The following PLEKHA6 variants were observed in gnomAD, a reference collection of about 807,000 sequenced individuals.
PLEKHA6 encodes pleckstrin homology domain containing A6.
PLEKHA6 carries 60 observed loss-of-function variants against 116.7 expected under a neutral mutation model. That is an observed-to-expected ratio of 0.51 (90% CI 0.42 to 0.64). PLEKHA6 has a LOEUF of 0.64. PLEKHA6 is among the 30% of genes least tolerant of loss of function. The probability of loss-of-function intolerance (pLI) is 0.00; values close to 1 mark genes in which losing one functional copy is unlikely to be tolerated. For synonymous variants in PLEKHA6, 489 were observed against 556.1 expected, an observed-to-expected ratio of 0.88 and a Z score of 1.70; for missense variants, 1,338 against 1,422.7, an observed-to-expected ratio of 0.94 and a Z score of 0.96.
chr1:204,345,846 C>T (rs1673022757), intron 1 of PLEKHA6, among the ~76,000 whole-genome samples: 1 of 152,158 alleles, frequency 6.6e-6, no homozygotes, highest in Non-Finnish European at 1.5e-5. Flanking sequence ...GACCAGAAGC[C>T]CTGGAGAAAA....
At chr1:204,370,913 GTGTGGTGGCACACACA>G (rs1673761023) in intron 2 of PLEKHA6, among the ~76,000 whole-genome samples, 1 of 152,074 alleles carries the variant, frequency 6.6e-6, no homozygotes, top group Admixed American at 6.5e-5. Context: ...AATTAGCTGG[GTGTGGTGGCACACACA>G]TGTAATCCCA....
At chr1:204,247,545 TA>T (rs1663891659) in intron 12 of PLEKHA6, 85 bp from the exon 13 acceptor site, 2 of 841,368 alleles carry the variant, frequency 2.4e-6, no homozygotes, top group Non-Finnish European at 3.9e-6. Flanking sequence ...GGGGCCAGGG[TA>T]CCAGAGGCAC....
intron 21 of PLEKHA6, among the ~76,000 whole-genome samples, chr1:204,224,895 C>T (rs900649128): frequency 6.6e-6 from 1 of 152,204 alleles, no homozygotes; most frequent in African/African-American, 2.4e-5. Flanking sequence ...AAAAACGAAG[C>T]AAAAGATATC....
At chr1:204,254,809 A>G (rs1665058871) in intron 9 of PLEKHA6, among the ~76,000 whole-genome samples, 1 of 152,198 alleles carries the variant, frequency 6.6e-6, no homozygotes, top group Non-Finnish European at 1.5e-5. Flanking sequence ...TCCACAGGAC[A>G]GTGTTGTGTA....
At chr1:204,328,050 ATTT>A (rs1672306966) in intron 1 of PLEKHA6, among the ~76,000 whole-genome samples, 1 of 3,116 alleles carries the variant, frequency 3.2e-4, no homozygotes, top group African/African-American at 4.4e-4. Context: ...TATTTATTTT[ATTT>A]ATTTATTTAT....
chr1:204,349,451 G>C (rs1051058843), intron 1 of PLEKHA6, among the ~76,000 whole-genome samples: 1 of 146,876 alleles, frequency 6.8e-6, no homozygotes, highest in Middle Eastern at 3.4e-3. Context: ...TGAGGCAGGA[G>C]AATCACTTGA....
At chr1:204,373,280 C>T (rs936020062) in intron 1 of PLEKHA6, among the ~76,000 whole-genome samples, 6 of 152,052 alleles carry the variant, frequency 3.9e-5, no homozygotes, top group African/African-American at 1.4e-4. Flanking sequence ...TCAGTAGAGA[C>T]GGAGTTTCAC....
At chr1:204,357,828 A>G (rs1184781710) in intron 1 of PLEKHA6, among the ~76,000 whole-genome samples, 1 of 152,230 alleles carries the variant, frequency 6.6e-6, no homozygotes. Flanking sequence ...AGCTCGCTCT[A>G]TGAGCCCGAG....
intron 1 of PLEKHA6, chr1:204,313,656 GC>G (rs1474456772): frequency 2.0e-6 from 2 of 984,602 alleles, no homozygotes; most frequent in Non-Finnish European, 2.4e-6. Context: ...CCACCTCCAT[GC>G]CCCCATCCTC....
At chr1:204,344,040 G>C (rs564914188) in intron 1 of PLEKHA6, among the ~76,000 whole-genome samples, 1 of 152,286 alleles carries the variant, frequency 6.6e-6, no homozygotes, top group South Asian at 2.1e-4. Flanking sequence ...TATAATCCCA[G>C]CTACTCAGGA....
chr1:204,322,875 T>C (rs1672114913), intron 1 of PLEKHA6, among the ~76,000 whole-genome samples: 1 of 152,204 alleles, frequency 6.6e-6, no homozygotes, highest in Admixed American at 6.5e-5. Flanking sequence ...GCAAATTCCC[T>C]TCTTGTCCCA....
In PLEKHA6 at chr1:204,347,124, C is replaced by T; in HGVS notation, c.-95+12570G>A. On this transcript the variant is annotated intron_variant, in intron 1 of 22. Coordinates refer to ENST00000272203, the MANE Select transcript of PLEKHA6 (RefSeq NM_014935.5). ...GGGGCATTCCTTTTTGAACAGTACCCATTCCCTTGATGTCTACAATATCAC... is the reference window on the plus strand; with the variant it reads ...GGGGCATTCCTTTTTGAACAGTACCTATTCCCTTGATGTCTACAATATCAC... 3 of 1,144,112 alleles carry T rather than the reference C, an allele frequency of 2.6e-6. No homozygotes were observed. The South Asian group carries it at 3.7e-5, about 14-fold the overall frequency. 70.9% of individuals were successfully genotyped at this position (1,144,112 alleles called of 1,614,324 possible).
At chr1:204,324,738 C>T (rs187614579) in intron 1 of PLEKHA6, among the ~76,000 whole-genome samples, 154 of 152,188 alleles carry the variant, frequency 1.0e-3, no homozygotes, top group African/African-American at 3.5e-3. Flanking sequence ...TGACCTGAGG[C>T]CAATAGCTTA....
At chr1:204,359,586 A>G (rs1305574685) in intron 1 of PLEKHA6, 108 bp downstream of exon 1, 2 of 984,214 alleles carry the variant, frequency 2.0e-6, no homozygotes, top group African/African-American at 3.5e-5. Context: ...AGTGCTCCGC[A>G]GTGCAAGCAG....
chr1:204,237,882 A>G (rs1182406292), intron 17 of PLEKHA6, among the ~76,000 whole-genome samples: 1 of 152,252 alleles, frequency 6.6e-6, no homozygotes, highest in African/African-American at 2.4e-5. Context: ...AGTAGCAAAC[A>G]CACTGGACTT....
intron 6 of PLEKHA6, among the ~76,000 whole-genome samples, chr1:204,262,415 C>T (rs1442434584): frequency 2.0e-5 from 3 of 152,280 alleles, no homozygotes; most frequent in Admixed American, 2.0e-4. Flanking sequence ...TCTTAGGCCA[C>T]AAGGAAAAGA....
intron 1 of PLEKHA6, among the ~76,000 whole-genome samples, chr1:204,352,879 G>A (rs751351371): frequency 6.6e-6 from 1 of 152,174 alleles, no homozygotes. Context: ...CAGCTACTCA[G>A]GAGGCTGAGG....
At chr1:204,362,440 A>C (rs1673579375), upstream of PLEKHA6, among the ~76,000 whole-genome samples, 1 of 151,948 alleles carries the variant, frequency 6.6e-6, no homozygotes, top group Non-Finnish European at 1.5e-5. Context: ...GTCTCCAAAC[A>C]CACGGGTCCT....
intron 1 of PLEKHA6, among the ~76,000 whole-genome samples, chr1:204,299,110 T>G (rs544927290): frequency 6.6e-6 from 1 of 152,366 alleles, no homozygotes; most frequent in South Asian, 2.1e-4. Context: ...CCTCTGGGGC[T>G]TCAGCTGCTT....
Sources: gnomAD v4.1 joint callset for allele counts (sites outside exome capture counted in the v4.1 genomes callset) on GRCh38, gnomAD v4.1.1 for gene constraint, MANE v1.5 for transcripts, NCBI Gene and HGNC (gene_info 2026-07-23, HGNC 2026-07-21) for gene names.